Variants in TUBB4B observed in about 807,000 individuals in gnomAD.
The protein encoded by TUBB4B is tubulin beta-4B chain.
In TUBB4B, 7 loss-of-function variants were observed where a neutral mutation model predicts 34.3. That is an observed-to-expected ratio of 0.20 (90% CI 0.12 to 0.38). The LOEUF (loss-of-function observed/expected upper bound fraction) is 0.38, where lower values mean the gene tolerates loss of function less well. TUBB4B is among the 10% of genes least tolerant of loss of function. The pLI, the probability that TUBB4B is intolerant of heterozygous loss-of-function variation, is 1.00. For missense variants in TUBB4B, 178 were observed against 610.9 expected (o/e 0.29, Z 7.47); for synonymous variants, 390 against 250.2 (o/e 1.56, Z -5.27).
chr9:137,242,172 G>C (rs565156557), intron 3 of TUBB4B, 151 bp downstream of exon 3: 2 of 812,044 alleles, frequency 2.5e-6, no homozygotes, highest in South Asian at 3.6e-5. Flanking sequence ...TTGGGAGCAA[G>C]GTCCAGCTGT....
At chr9:137,241,675 G>T in intron 1 of TUBB4B, 46 bp from the exon 2 acceptor site, 4 of 1,514,650 alleles carry the variant, frequency 2.6e-6, no homozygotes, top group Non-Finnish European at 3.6e-6. Flanking sequence ...CACCGGCCGC[G>T]GTGACTCAGC....
In TUBB4B at chr9:137,241,738, C is replaced by T. The variant is rs749724258; in HGVS notation, c.75C>T (p.Ser25=). Residue 25 remains serine (S), a synonymous_variant, in exon 2 of 4, where the codon AGC becomes AGT. Coordinates refer to ENST00000340384, the MANE Select transcript of TUBB4B (RefSeq NM_006088.6). ...QIGAKFWEVI[S]DEHGIDPTGT... ...CCTTGTAGTTTTGGGAGGTGATCAG[C>T]GATGAGCACGGCATCGACCCCACGG... 2.4e-5 allele frequency: 38 copies of T among 1,611,696 alleles called. No homozygotes were observed. The African/African-American group carries it at 3.6e-4, about 15-fold the overall frequency.
intron 3 of TUBB4B, 118 bp downstream of exon 3, chr9:137,242,139 C>A: frequency 9.7e-7 from 1 of 1,025,988 alleles, no homozygotes; most frequent in Non-Finnish European, 1.4e-6. Context: ...CTGAGCCACT[C>A]AATCCCCTCT....
At position 137,241,312 on chromosome 9, in the gene TUBB4B, C is replaced by T. The variant is rs374708754; in HGVS notation, c.-49C>T. On this transcript the variant is annotated 5_prime_UTR_variant, in exon 1 of 4. Coordinates refer to ENST00000340384, the MANE Select transcript of TUBB4B (RefSeq NM_006088.6). ...AGCACTCTGCGCGCCCGCTCTTCTGCTGCTGTTTGTCTACTTCCTCCTGCT... is the reference window on the plus strand; with the variant it reads ...AGCACTCTGCGCGCCCGCTCTTCTGTTGCTGTTTGTCTACTTCCTCCTGCT... The T allele has an allele frequency of 1.4e-4, 224 of 1,579,468 alleles. No homozygotes were observed. The highest frequency in any genetic ancestry group is 8.6e-4 in the East Asian group (37 of 42,970).
In TUBB4B at chr9:137,242,980, T is replaced by C. The variant is rs1365990043; in HGVS notation, c.762T>C (p.Ala254=). The stretch of plus-strand genomic sequence containing the variant: ...TCAATGCTGACCTGCGGAAGCTGGC[T>C]GTGAACATGGTCCCGTTTCCCCGGC... The part of the protein sequence containing the change: ...GQLNADLRKL[A]VNMVPFPRLH... Residue 254 remains alanine, a synonymous_variant, in exon 4 of 4, where the codon GCT becomes GCC. Transcript: ENST00000340384. 6.2e-7 allele frequency: 1 copy of C among 1,613,012 alleles called. No homozygotes were observed. The highest frequency in any genetic ancestry group is 8.5e-7 in the Non-Finnish European group (1 of 1,180,028).
In TUBB4B at chr9:137,242,839, C is replaced by T. The variant is rs550675924; in HGVS notation, c.621C>T (p.Leu207=). The change falls in exon 4 of 4, where the codon CTC becomes CTT. Residue 207 remains leucine (L), a synonymous_variant. Transcript: ENST00000340384. ...DETYCIDNEA[L]YDICFRTLKL... is the part of the protein sequence containing the mutation. ...CCTACTGCATTGATAACGAAGCTCT[C>T]TACGACATTTGCTTCAGAACCCTAA... is the stretch of plus-strand genomic sequence containing the variant. 4.3e-6 allele frequency: 7 copies of T among 1,613,672 alleles called. No individual in the cohort carries two copies. The highest frequency in any genetic ancestry group is 5.9e-6 in the Non-Finnish European group (7 of 1,180,046).
In TUBB4B at chr9:137,242,936, C is replaced by T. The variant is rs777792538; in HGVS notation, c.718C>T (p.Leu240=). The change falls in exon 4 of 4, where the codon CTG becomes TTG. Residue 240 remains leucine, a synonymous_variant. Coordinates refer to ENST00000340384, the MANE Select transcript of TUBB4B (RefSeq NM_006088.6). ...SATMSGVTTC[L]RFPGQLNADL... ...TACCATGAGTGGGGTCACCACCTGC[C>T]TGCGCTTCCCAGGCCAGCTCAATGC... 13 of 1,613,124 alleles carry T rather than the reference C, an allele frequency of 8.1e-6. No homozygotes were observed. The highest frequency in any genetic ancestry group is 3.3e-5 in the Admixed American group (2 of 60,008).
At chr9:137,241,541 G>A (rs1283024447) in intron 1 of TUBB4B, 124 bp downstream of exon 1, 35 of 962,576 alleles carry the variant, frequency 3.6e-5, no homozygotes, top group South Asian at 4.8e-5. Flanking sequence ...CCCCCTCCGC[G>A]GGGAATTGGC....
chr9:137,241,903 C>T lies in TUBB4B; in HGVS notation c.167-8C>T, dbSNP rs1410951240. 2 of 1,610,860 alleles carry T rather than the reference C, an allele frequency of 1.2e-6. No homozygotes were observed. Among genetic ancestry groups the T allele is most frequent in the African/African-American group, 1.3e-5 (1 of 74,872 alleles). ...CCTGCCTTGGCTGACGCCCTCCCGT[C>T]CCCGCAGGCGGCAAGTACGTGCCCC... On this transcript the variant is annotated splice_polypyrimidine_tract_variant and splice_region_variant and intron_variant, in intron 2 of 3. Transcript: ENST00000340384.
In TUBB4B at chr9:137,243,022, C is replaced by G. The variant is rs372310150; in HGVS notation, c.804C>G (p.Pro268=). The G allele has an allele frequency of 1.2e-6, 2 of 1,612,884 alleles. No homozygotes were observed. The highest frequency in any genetic ancestry group is 4.5e-5 in the East Asian group (2 of 44,880). ...VPFPRLHFFM[P]GFAPLTSRGS... is the part of the protein sequence containing the mutation. ...TTCCCCGGCTGCACTTCTTCATGCC[C>G]GGCTTTGCCCCACTGACCAGCCGGG... The change falls in exon 4 of 4, where the codon CCC becomes CCG. Residue 268 remains proline, a synonymous_variant. Coordinates refer to ENST00000340384, the MANE Select transcript of TUBB4B (RefSeq NM_006088.6).
In TUBB4B at chr9:137,241,310, T is replaced by G. The variant is rs370373354; in HGVS notation, c.-51T>G. On this transcript the variant is annotated 5_prime_UTR_variant, in exon 1 of 4. Transcript: ENST00000340384. ...GTAGCACTCTGCGCGCCCGCTCTTC[T>G]GCTGCTGTTTGTCTACTTCCTCCTG... 1.8e-3 allele frequency: 2,824 copies of G among 1,577,218 alleles called. 11 individuals are homozygous for G. Among genetic ancestry groups the G allele is most frequent in the Non-Finnish European group, 1.9e-3 (2,272 of 1,167,968 alleles).
chr9:137,242,028 C>G lies in TUBB4B; in HGVS notation c.277+7C>G, dbSNP rs754711773. On this transcript the variant is annotated splice_region_variant and intron_variant, in intron 3 of 3. Transcript: ENST00000340384. Reference sequence around the variant, plus strand: ...CCGGACAACTTCGTTTTCGGTGAGCCGTGGCTGGGGACTGGGCGGCGGCTC... The same window carrying G: ...CCGGACAACTTCGTTTTCGGTGAGCGGTGGCTGGGGACTGGGCGGCGGCTC... 1.2e-5 allele frequency: 19 copies of G among 1,610,022 alleles called. No individual in the cohort carries two copies. In the South Asian group the frequency reaches 1.5e-4, roughly 13 times the overall value.
intron 3 of TUBB4B, 149 bp from the exon 4 acceptor site, chr9:137,242,347 C>A (rs926046757): frequency 9.4e-6 from 9 of 954,192 alleles, no homozygotes; most frequent in Non-Finnish European, 1.4e-5. Flanking sequence ...GGCAGGCTGC[C>A]GTCTTTTGGC....
rs913645433 is a variant in TUBB4B at position 137,241,302 on chromosome 9, C to G, written c.-59C>G. ...CGTCGGTTGTAGCACTCTGCGCGCC[C>G]GCTCTTCTGCTGCTGTTTGTCTACT... On this transcript the variant is annotated 5_prime_UTR_variant, in exon 1 of 4. Transcript: ENST00000340384. The G allele has an allele frequency of 3.8e-6, 6 of 1,565,338 alleles. No individual in the cohort carries two copies. The highest frequency in any genetic ancestry group is 2.4e-5 in the East Asian group (1 of 41,866).
chr9:137,241,486 G>A, intron 1 of TUBB4B, 69 bp downstream of exon 1: 2 of 1,213,200 alleles, frequency 1.6e-6, no homozygotes, highest in Non-Finnish European at 2.1e-6. Context: ...GGGGAAGATG[G>A]CGGCAGCAGC....
Position 137,243,073 on chromosome 9 carries a change from C to G in TUBB4B, c.855C>G (p.Thr285=), listed in dbSNP as rs748358460. Residue 285 remains threonine (T), a synonymous_variant, in exon 4 of 4, where the codon ACC becomes ACG. Coordinates refer to ENST00000340384, the MANE Select transcript of TUBB4B (RefSeq NM_006088.6). ...GCAGCCAGCAGTACCGGGCGCTGACCGTGCCCGAGCTCACCCAGCAGATGT... is the reference window on the plus strand; with the variant it reads ...GCAGCCAGCAGTACCGGGCGCTGACGGTGCCCGAGCTCACCCAGCAGATGT... The part of the protein sequence containing the change: ...SRGSQQYRAL[T]VPELTQQMFD... 6 of 1,612,860 alleles carry G rather than the reference C, an allele frequency of 3.7e-6. No individual in the cohort carries two copies. The highest frequency in any genetic ancestry group is 2.2e-5 in the East Asian group (1 of 44,896).
At chr9:137,242,199 C>G (rs758348793) in intron 3 of TUBB4B, 178 bp downstream of exon 3, 18 of 692,846 alleles carry the variant, frequency 2.6e-5, no homozygotes, top group Non-Finnish European at 4.1e-5. Context: ...AGGCGAGGAG[C>G]CGCCACACAC....
At chr9:137,241,695 C>T in intron 1 of TUBB4B, 26 bp from the exon 2 acceptor site, 1 of 1,597,858 alleles carries the variant, frequency 6.3e-7, no homozygotes, top group East Asian at 2.3e-5. Flanking sequence ...CCCCGGCCCG[C>T]CCGGGCCCGC....
Position 137,243,626 on chromosome 9 carries a change from C to T in TUBB4B, c.*70C>T, listed in dbSNP as rs955854787. ...TATTCACTCCCAGCCTGTCCTGTGG[C>T]CTGTCCCACTGTGTGCACTTGCTGT... On this transcript the variant is annotated 3_prime_UTR_variant, in exon 4 of 4. Transcript: ENST00000340384. 1 of 1,613,336 alleles carries T rather than the reference C, an allele frequency of 6.2e-7. No individual in the cohort carries two copies. The highest frequency in any genetic ancestry group is 8.5e-7 in the Non-Finnish European group (1 of 1,179,374).
Sources: allele counts gnomAD v4.1 joint callset, GRCh38; gene constraint gnomAD v4.1.1; transcripts MANE v1.5; gene names NCBI Gene and HGNC (gene_info 2026-07-23, HGNC 2026-07-21).